Variants in GDAP1 observed in about 807,000 individuals in gnomAD.
GDAP1 encodes the protein ganglioside-induced differentiation-associated protein 1.
GDAP1 carries 34 observed loss-of-function variants against 40.1 expected under a neutral mutation model. The ratio of observed to expected loss-of-function variants is 0.85; its 90% confidence interval spans 0.64 to 1.13. The LOEUF (loss-of-function observed/expected upper bound fraction) is 1.13. Ranked by LOEUF, GDAP1 falls within the 50% of genes most tolerant of loss-of-function variation. The pLI is 0.00. For synonymous variants in GDAP1, 170 were observed against 157.4 expected (o/e 1.08, Z -0.60); for missense variants, 374 against 433.7 (o/e 0.86, Z 1.22).
chr8:74,399,503 T>C (rs1167879804), intron 2 of GDAP1, among the ~76,000 whole-genome samples: 16 of 147,950 alleles, frequency 1.1e-4, no homozygotes, highest in Non-Finnish European at 2.1e-4. Context: ...AAAACCAGCT[T>C]CTGGATTCAT....
intron 2 of GDAP1, among the ~76,000 whole-genome samples, chr8:74,356,904 G>A (rs1393570524): frequency 2.6e-5 from 4 of 151,576 alleles, no homozygotes; most frequent in Admixed American, 6.6e-5. Context: ...TAGTAGAGAC[G>A]GGGTTTCACC....
intron 2 of GDAP1, among the ~76,000 whole-genome samples, chr8:74,465,779 T>G (rs1245856236): frequency 3.7e-5 from 1 of 26,730 alleles, no homozygotes; most frequent in African/African-American, 1.3e-4. Context: ...CACACCAAGT[T>G]TTTTTTTTTT....
intron 2 of GDAP1, among the ~76,000 whole-genome samples, chr8:74,438,310 T>C (rs978600165): frequency 1.3e-5 from 2 of 151,954 alleles, no homozygotes; most frequent in African/African-American, 4.8e-5. Flanking sequence ...GGCTGAGTAA[T>C]GAGTACGTGC....
In GDAP1 at chr8:74,412,076, T is replaced by A. The variant is rs184390443; in HGVS notation, c.165+60755T>A. Among the ~76,000 whole-genome samples, 237 of 150,026 alleles carry A rather than the reference T, an allele frequency of 1.6e-3. 29 individuals carry two copies. The highest frequency in any genetic ancestry group is 5.8e-3 in the African/African-American group (229 of 39,364). ...AAATTTGAGATAAAAGTTGGGACAT[T>A]TTCTTAGCGATGTCATTCAAGATTC... On this transcript the variant is annotated intron_variant, in intron 2 of 2. Coordinates refer to the GDAP1 transcript ENST00000523640.
At chr8:74,436,417 T>A (rs1806088770) in intron 2 of GDAP1, among the ~76,000 whole-genome samples, 1 of 100,278 alleles carries the variant, frequency 1.0e-5, no homozygotes, top group Non-Finnish European at 1.8e-5. Flanking sequence ...AAACCATCCC[T>A]TCCTTTTTTT....
At chr8:74,439,036 A>ATATG (rs1554555355) in intron 2 of GDAP1, among the ~76,000 whole-genome samples, 12 of 150,054 alleles carry the variant, frequency 8.0e-5, no homozygotes, top group Admixed American at 1.3e-4. Flanking sequence ...GTGTATATAT[A>ATATG]TGTGTGTGTG....
At chr8:74,486,967 C>T (rs531491944) in intron 2 of GDAP1, among the ~76,000 whole-genome samples, 1 of 152,260 alleles carries the variant, frequency 6.6e-6, no homozygotes, top group South Asian at 2.1e-4. Context: ...TATTCTATCT[C>T]ACTTACTAAC....
chr8:74,364,154 A>G lies in GDAP1; in HGVS notation c.864A>G (p.Thr288=), dbSNP rs1452402318. Residue 288 remains threonine, a synonymous_variant, in exon 6 of 6, where the codon ACA becomes ACG. Transcript: ENST00000220822. ...ACGAGCGTGTCTTGAAGAGAAAAAC[A>G]TTTAACAAGGTTTTAGGACATGTCA... is the stretch of plus-strand genomic sequence containing the variant. The part of the protein sequence containing the change: ...TYYERVLKRK[T]FNKVLGHVNN... 5 of 1,613,956 alleles carry G rather than the reference A, an allele frequency of 3.1e-6. No homozygotes were observed. Among genetic ancestry groups the G allele is most frequent in the Admixed American group, 1.7e-5 (1 of 60,004 alleles).
At chr8:74,385,753 G>GA (rs1228913741) in intron 2 of GDAP1, among the ~76,000 whole-genome samples, 2 of 152,084 alleles carry the variant, frequency 1.3e-5, no homozygotes, top group African/African-American at 4.8e-5. Context: ...GATCCTTAAG[G>GA]AATCCCCACA....
chr8:74,375,284 G>A (rs774580601), intron 2 of GDAP1, among the ~76,000 whole-genome samples: 9 of 151,876 alleles, frequency 5.9e-5, no homozygotes, highest in African/African-American at 9.7e-5. Context: ...CCGAGATCGC[G>A]CCACTGCACT....
At chr8:74,379,038 A>G (rs1206725867) in intron 2 of GDAP1, among the ~76,000 whole-genome samples, 3 of 148,548 alleles carry the variant, frequency 2.0e-5, no homozygotes, top group African/African-American at 5.0e-5. Context: ...TCTTGGCCCT[A>G]TGGACTCTTA....
At chr8:74,371,780 T>TG (rs1809756698), downstream of GDAP1, among the ~76,000 whole-genome samples, 1 of 145,194 alleles carries the variant, frequency 6.9e-6, no homozygotes, top group Non-Finnish European at 1.5e-5. Flanking sequence ...TTTTATTTTT[T>TG]TTTATTATTA....
chr8:74,474,498 ATGAAGGGATAC>A (rs2128720942), intron 2 of GDAP1, among the ~76,000 whole-genome samples: 1 of 152,306 alleles, frequency 6.6e-6, no homozygotes, highest in Non-Finnish European at 1.5e-5. Flanking sequence ...AGTTTTTAAC[ATGAAGGGATAC>A]TGAATTTTAT....
chr8:74,368,141 G>A (rs1371179253), downstream of GDAP1, among the ~76,000 whole-genome samples: 1 of 152,126 alleles, frequency 6.6e-6, no homozygotes, highest in Non-Finnish European at 1.5e-5. Context: ...CCCTTAGTAG[G>A]AGAGCCAATA....
intron 2 of GDAP1, among the ~76,000 whole-genome samples, chr8:74,357,075 C>G (rs1809136751): frequency 6.6e-6 from 1 of 152,108 alleles, no homozygotes; most frequent in African/African-American, 2.4e-5. Context: ...CAATATTATT[C>G]AGCTGTATTA....
intron 2 of GDAP1, among the ~76,000 whole-genome samples, chr8:74,446,356 A>G (rs1245304777): frequency 6.6e-6 from 1 of 152,162 alleles, no homozygotes; most frequent in Admixed American, 6.5e-5. Flanking sequence ...TTGCCTGCTC[A>G]GAAAGTCTAG....
chr8:74,360,120 G>T lies in GDAP1; in HGVS notation c.311-17G>T, dbSNP rs765308562. 3 of 1,581,128 alleles carry T rather than the reference G, an allele frequency of 1.9e-6. No individual in the cohort carries two copies. Among genetic ancestry groups the T allele is most frequent in the Non-Finnish European group, 2.6e-6 (3 of 1,150,308 alleles). ...ATGTGTAACTTTTTCTTCAATATTTGTGTGTGTGTATTTTAGAAAGAACAC... is the reference window on the plus strand; with the variant it reads ...ATGTGTAACTTTTTCTTCAATATTTTTGTGTGTGTATTTTAGAAAGAACAC... On this transcript the variant is annotated splice_polypyrimidine_tract_variant and intron_variant, in intron 2 of 5. Coordinates refer to ENST00000220822, the MANE Select transcript of GDAP1 (RefSeq NM_018972.4).
chr8:74,459,510 G>C (rs1319587308), intron 2 of GDAP1, among the ~76,000 whole-genome samples: 5 of 152,130 alleles, frequency 3.3e-5, no homozygotes, highest in African/African-American at 1.2e-4. Flanking sequence ...TGATTCTGAG[G>C]CAGAAGCTTC....
At chr8:74,376,383 C>T (rs892811165) in intron 2 of GDAP1, among the ~76,000 whole-genome samples, 44 of 139,564 alleles carry the variant, frequency 3.2e-4, no homozygotes, top group Admixed American at 1.2e-3. Context: ...GAGTCTCACT[C>T]TGTTGCCCAG....
Sources: gnomAD v4.1 joint callset for allele counts (sites outside exome capture counted in the v4.1 genomes callset) on GRCh38, gnomAD v4.1.1 for gene constraint, MANE v1.5 for transcripts, NCBI Gene and HGNC (gene_info 2026-07-23, HGNC 2026-07-21) for gene names.